Variants in CBLIF observed in about 807,000 individuals in gnomAD.
The protein encoded by CBLIF is gastric intrinsic factor (vitamin B synthesis).
A neutral mutation model predicts 44.9 loss-of-function variants in CBLIF; 24 were observed. The observed-to-expected ratio is 0.53, with a 90% CI of 0.39 to 0.75. CBLIF has a LOEUF of 0.75. Among genes scored for constraint, CBLIF ranks in the 30% least tolerant of loss-of-function variants. The probability of loss-of-function intolerance (pLI) is 0.00; values close to 1 mark genes in which losing one functional copy is unlikely to be tolerated. For missense variants in CBLIF, 481 were observed against 513.0 expected, an observed-to-expected ratio of 0.94 and a Z score of 0.60; for synonymous variants, 183 against 190.9, an observed-to-expected ratio of 0.96 and a Z score of 0.34.
Position 59,836,317 on chromosome 11 carries a change from TATTA to T in CBLIF, c.872-312_872-309del, listed in dbSNP as rs548436033. Among the ~76,000 whole-genome samples the T allele has an allele frequency of 1.3e-3, 205 of 152,226 alleles. 1 individual carries two copies. The highest frequency in any genetic ancestry group is 4.1e-3 in the African/African-American group (172 of 41,534). ...TCTGCATTGAGATAGACGAGAAACT[TATTA>T]ATTGCTTCTTGTCTTAGGAAGTTCA... On this transcript the variant is annotated intron_variant, in intron 6 of 8. Transcript: ENST00000257248.
rs1866376465 is a variant in CBLIF, at chr11:59,831,708, A to G, written c.1162T>C (p.Phe388Leu). The G allele has an allele frequency of 6.3e-7, 1 of 1,582,718 alleles. No individual in the cohort carries two copies. Among genetic ancestry groups the G allele is most frequent in the African/African-American group, 1.3e-5 (1 of 74,394 alleles). The change falls in exon 8 of 9, where the codon TTT becomes CTT. Residue 388 changes from phenylalanine to leucine, a missense_variant. Coordinates refer to ENST00000257248, the MANE Select transcript of CBLIF (RefSeq NM_005142.3). ...ENVNHKTYWQ[F>L]LSGVTPLNEG... The stretch of plus-strand genomic sequence containing the variant: ...TTCAAAGGTGTTACACCACTAAGAA[A>G]CTGCCAGTATGTCTTGTGATTAACA...
rs1292239741 is a variant in CBLIF, at chr11:59,837,196, C to A, written c.849G>T (p.Val283=). 1.9e-6 allele frequency: 3 copies of A among 1,613,974 alleles called. No individual in the cohort carries two copies. The Admixed American group carries it at 5.0e-5, about 27-fold the overall frequency. Residue 283 remains valine, a synonymous_variant, in exon 6 of 9, where the codon GTG becomes GTT. Transcript: ENST00000257248. The part of the protein sequence containing the change: ...PSLKGKTYLD[V]PQVTCSPDHE... ...TACCAGGACTACAAGTGACCTGGGGCACATCTAGGTATGTCTTGCCTTTCA... is the reference window on the plus strand; with the variant it reads ...TACCAGGACTACAAGTGACCTGGGGAACATCTAGGTATGTCTTGCCTTTCA...
At chr11:59,835,063 T>A (rs1328720666) in intron 7 of CBLIF, among the ~76,000 whole-genome samples, 1 of 152,184 alleles carries the variant, frequency 6.6e-6, no homozygotes, top group African/African-American at 2.4e-5. Context: ...TCACCCAACC[T>A]GGTATGTCCA....
At chr11:59,835,654 G>C in intron 7 of CBLIF, 154 bp downstream of exon 7, 1 of 701,288 alleles carries the variant, frequency 1.4e-6, no homozygotes, top group East Asian at 2.7e-5. Context: ...GTTTTCATGA[G>C]AGCCTTACCT....
At chr11:59,844,136 T>C (rs1034348533) in intron 1 of CBLIF, 81 bp from the exon 2 acceptor site, 16 of 1,141,694 alleles carry the variant, frequency 1.4e-5, no homozygotes, top group Non-Finnish European at 2.0e-5. Context: ...TTGATGCTTT[T>C]TCTTTCTTTC....
chr11:59,837,851 G>A (rs1032630787), intron 5 of CBLIF, among the ~76,000 whole-genome samples: 3 of 152,180 alleles, frequency 2.0e-5, no homozygotes, highest in Non-Finnish European at 4.4e-5. Context: ...TCCCCTTGAT[G>A]ACAGTGATTG....
chr11:59,834,299 T>TTCCTTCCTTC (rs1866420485), intron 7 of CBLIF, among the ~76,000 whole-genome samples: 1 of 115,026 alleles, frequency 8.7e-6, no homozygotes, highest in African/African-American at 3.9e-5. Context: ...TTTCTTTCTT[T>TTCCTTCCTTC]CTTTCTTTCT....
intron 6 of CBLIF, 36 bp downstream of exon 6, chr11:59,837,138 G>A: frequency 1.3e-6 from 2 of 1,495,960 alleles, no homozygotes; most frequent in Non-Finnish European, 1.9e-6. Context: ...GGCATAAGTT[G>A]CTGCTTTATG....
rs1280401989 is a variant in CBLIF at position 59,841,298 on chromosome 11, G to C, written c.538C>G (p.Leu180Val). The C allele has an allele frequency of 6.2e-7, 1 of 1,613,892 alleles. No individual in the cohort carries two copies. Among genetic ancestry groups the C allele is most frequent in the East Asian group, 2.2e-5 (1 of 44,880 alleles). ...GGGATCTTGTTGTACATACAGGTCA[G>C]AGCCAAGGTTGCCATTGCTCCTGTG... The part of the protein sequence containing the change: ...VDTGAMATLA[L>V]TCMYNKIPVG... Residue 180 changes from leucine (L) to valine (V), a missense_variant, in exon 5 of 9, where the codon CTG (leucine) becomes GTG (valine). Transcript: ENST00000257248.
Position 59,843,033 on chromosome 11 carries a change from G to A in CBLIF, c.365C>T (p.Pro122Leu). ...ILQRQMENWA[P>L]SSPNAEASAF... Reference sequence around the variant, plus strand: ...CCCTTCCAGTCAGGTCTTACTGGAAGGTGCCCAGTTCTCCATTTGTCTTTG... The same window carrying A: ...CCCTTCCAGTCAGGTCTTACTGGAAAGTGCCCAGTTCTCCATTTGTCTTTG... The change falls in exon 3 of 9, where the codon CCT (proline) becomes CTT (leucine). Residue 122 changes from proline (P) to leucine (L), a missense_variant. Pro to Leu is a moderately conservative substitution (Grantham distance 98). Transcript: ENST00000257248. 2.5e-6 allele frequency: 4 copies of A among 1,574,628 alleles called. No individual in the cohort carries two copies. The highest frequency in any genetic ancestry group is 3.5e-6 in the Non-Finnish European group (4 of 1,143,996).
chr11:59,836,874 T>C (rs1434560705), intron 6 of CBLIF, among the ~76,000 whole-genome samples: 1 of 152,242 alleles, frequency 6.6e-6, no homozygotes, highest in Non-Finnish European at 1.5e-5. Flanking sequence ...AATGAAGCTA[T>C]ATGTTGTTTG....
intron 4 of CBLIF, 31 bp from the exon 5 acceptor site, chr11:59,841,355 T>C (rs1168035218): frequency 2.7e-6 from 4 of 1,489,068 alleles, no homozygotes; most frequent in Non-Finnish European, 2.8e-6. Flanking sequence ...AAGATCACCA[T>C]AGTCACCATC....
chr11:59,829,600 A>C (rs1003786231), intron 8 of CBLIF, 55 bp from the exon 9 acceptor site: 21 of 1,062,556 alleles, frequency 2.0e-5, no homozygotes, highest in Non-Finnish European at 3.0e-5. Context: ...AACCACCTCC[A>C]TCCCCCAAGG....
chr11:59,835,721 GAA>G (rs544589103), intron 7 of CBLIF, 85 bp downstream of exon 7: 1 of 1,104,682 alleles, frequency 9.1e-7, no homozygotes, highest in African/African-American at 1.5e-5. Context: ...TTATCAAAAG[GAA>G]AAAAATTAGG....
Position 59,831,677 on chromosome 11 carries a change from C to A in CBLIF, c.1192+1G>T, listed in dbSNP as rs996247594. 1 of 1,301,636 alleles carries A rather than the reference C, an allele frequency of 7.7e-7. No individual in the cohort carries two copies. Among genetic ancestry groups the A allele is most frequent in the South Asian group, 1.2e-5 (1 of 84,850 alleles). 80.6% of individuals were successfully genotyped at this position (1,301,636 alleles called of 1,614,324 possible). On this transcript the variant is annotated splice_donor_variant, in intron 8 of 8. Transcript: ENST00000257248. LOFTEE classifies it high-confidence loss of function. Reference sequence around the variant, plus strand: ...AACGCCTATGTCTTTTCTTCCCTCACCTTCATTCAAAGGTGTTACACCACT... The same window carrying A: ...AACGCCTATGTCTTTTCTTCCCTCAACTTCATTCAAAGGTGTTACACCACT...
At chr11:59,834,008 T>C (rs1866409185) in intron 7 of CBLIF, among the ~76,000 whole-genome samples, 1 of 152,228 alleles carries the variant, frequency 6.6e-6, no homozygotes, top group Non-Finnish European at 1.5e-5. Flanking sequence ...ATCTTAGGAA[T>C]GTTACTAACT....
At position 59,837,336 on chromosome 11, in the gene CBLIF, G is replaced by A. The variant is rs1048065881; in HGVS notation, c.709C>T (p.Pro237Ser). 1 of 1,612,096 alleles carries A rather than the reference G, an allele frequency of 6.2e-7. No homozygotes were observed. Among genetic ancestry groups the A allele is most frequent in the South Asian group, 1.1e-5 (1 of 91,064 alleles). ...GLAMQALSVT[P>S]EPSKKEWNCK... is the part of the protein sequence containing the mutation. ...TTCCATTCCTTTTTAGATGGCTCAGGTGTTACAGAGAGAGCCTGGGAAGGA... is the reference window on the plus strand; with the variant it reads ...TTCCATTCCTTTTTAGATGGCTCAGATGTTACAGAGAGAGCCTGGGAAGGA... The change falls in exon 6 of 9, where the codon CCT (proline) becomes TCT (serine). Residue 237 changes from proline to serine, a missense_variant. Physicochemically the swap from Pro to Ser is moderately conservative, Grantham distance 74. Transcript: ENST00000257248.
chr11:59,829,334 A>G lies in CBLIF; in HGVS notation c.*150T>C. ...ATGTTGAGACTCCAGTGAACTTTGC[A>G]TTTTTATTCTACATAGTGGTTCTCC... On this transcript the variant is annotated 3_prime_UTR_variant, in exon 9 of 9. Coordinates refer to ENST00000257248, the MANE Select transcript of CBLIF (RefSeq NM_005142.3). 2 of 662,644 alleles carry G rather than the reference A, an allele frequency of 3.0e-6. No homozygotes were observed. The highest frequency in any genetic ancestry group is 1.6e-5 in the South Asian group (1 of 63,622). The allele number at this position is 662,644 out of a possible 1,614,324, so 41.0% of individuals were successfully genotyped here.
At chr11:59,836,221 C>T (rs1215730105) in intron 6 of CBLIF, among the ~76,000 whole-genome samples, 1 of 152,106 alleles carries the variant, frequency 6.6e-6, no homozygotes, top group African/African-American at 2.4e-5. Flanking sequence ...GGGAAGCAGC[C>T]TAAGGGGTTG....
Sources: gnomAD v4.1 joint callset for allele counts (sites outside exome capture counted in the v4.1 genomes callset) on GRCh38, gnomAD v4.1.1 for gene constraint, MANE v1.5 for transcripts, NCBI Gene and HGNC (gene_info 2026-07-23, HGNC 2026-07-21) for gene names.